Variants in SDK1 observed in about 807,000 individuals in gnomAD.
SDK1 encodes sidekick cell adhesion molecule 1.
SDK1 carries 157 observed loss-of-function variants against 245.5 expected under a neutral mutation model. The observed-to-expected ratio is 0.64, with a 90% CI of 0.56 to 0.73. The LOEUF (loss-of-function observed/expected upper bound fraction) is 0.73. Among genes scored for constraint, SDK1 ranks in the 30% least tolerant of loss-of-function variants. The probability of loss-of-function intolerance (pLI) is 0.00; values close to 1 mark genes in which losing one functional copy is unlikely to be tolerated. For synonymous variants in SDK1, 1,647 were observed against 1,278.5 expected, an observed-to-expected ratio of 1.29 and a Z score of -6.15; for missense variants, 3,583 against 3,002.3, an observed-to-expected ratio of 1.19 and a Z score of -4.52.
chr7:3,566,554 G>A (rs1229502191), intron 1 of SDK1, among the ~76,000 whole-genome samples: 1 of 152,044 alleles, frequency 6.6e-6, no homozygotes, highest in East Asian at 1.9e-4. Flanking sequence ...TAAAGCAGTA[G>A]AGGAAAATTG....
chr7:3,687,104 C>G (rs897194176), intron 4 of SDK1, among the ~76,000 whole-genome samples: 27 of 149,922 alleles, frequency 1.8e-4, no homozygotes, highest in African/African-American at 5.9e-4. Flanking sequence ...CACACACCAC[C>G]CTGTATCACA....
At chr7:4,154,941 G>A (rs954002898) in intron 30 of SDK1, among the ~76,000 whole-genome samples, 2 of 152,048 alleles carry the variant, frequency 1.3e-5, no homozygotes, top group Admixed American at 1.3e-4. Flanking sequence ...CCACAGGAGG[G>A]AGCATGGCAG....
chr7:4,230,729 T>G (rs1385351809), intron 40 of SDK1, among the ~76,000 whole-genome samples: 1 of 152,064 alleles, frequency 6.6e-6, no homozygotes, highest in East Asian at 1.9e-4. Flanking sequence ...TGGATGATGC[T>G]AAGCCTGATG....
At chr7:3,630,915 G>T (rs547272244) in intron 2 of SDK1, among the ~76,000 whole-genome samples, 1 of 151,904 alleles carries the variant, frequency 6.6e-6, no homozygotes, top group Non-Finnish European at 1.5e-5. Context: ...TCACTAAGCT[G>T]TGGGGAAGAT....
In SDK1 at chr7:3,871,492, G is replaced by T. The variant is rs1307475224; in HGVS notation, c.847+49909G>T. On this transcript the variant is annotated intron_variant, in intron 5 of 44. Coordinates refer to ENST00000404826, the MANE Select transcript of SDK1 (RefSeq NM_152744.4). ...ACTGTAAAGGAATACGTGAGGCTGG[G>T]TGATTTATAAAGAAAAGAGGTTTAT... 2.0e-5 allele frequency among the ~76,000 whole-genome samples: 3 copies of T among 152,232 alleles called. No homozygotes were observed. The East Asian group carries it at 5.8e-4, about 29-fold the overall frequency.
intron 4 of SDK1, among the ~76,000 whole-genome samples, chr7:3,717,696 T>A (rs1031023515): frequency 1.3e-5 from 2 of 152,164 alleles, no homozygotes; most frequent in Non-Finnish European, 2.9e-5. Flanking sequence ...GCTCAAAAAC[T>A]ACAAAGTGCC....
rs116787442 is a variant in SDK1 at position 3,689,699 on chromosome 7, G to T, written c.713+47594G>T. Among the ~76,000 whole-genome samples, 637 of 152,258 alleles carry T rather than the reference G, an allele frequency of 4.2e-3. 4 individuals are homozygous for T. Among genetic ancestry groups the T allele is most frequent in the African/African-American group, 0.015 (616 of 41,532 alleles). ...CTCTGTTTCTTACTTTAGTAATGAGGATTAGGTTAGATGAAAAATATAAGG... is the reference window on the plus strand; with the variant it reads ...CTCTGTTTCTTACTTTAGTAATGAGTATTAGGTTAGATGAAAAATATAAGG... On this transcript the variant is annotated intron_variant, in intron 4 of 44. Coordinates refer to ENST00000404826, the MANE Select transcript of SDK1 (RefSeq NM_152744.4).
chr7:4,266,863 A>C lies in SDK1; in HGVS notation c.*1479A>C. On this transcript the variant is annotated 3_prime_UTR_variant, in exon 45 of 45. Coordinates refer to ENST00000404826, the MANE Select transcript of SDK1 (RefSeq NM_152744.4). ...ACACAAGACTCAAGACCACCCTGTC[A>C]GTGCCCCCCAGTGCACGGCAAACGG... The C allele has an allele frequency of 2.0e-6, 2 of 985,542 alleles. No individual in the cohort carries two copies. The highest frequency in any genetic ancestry group is 2.4e-6 in the Non-Finnish European group (2 of 830,002). The allele number at this position is 985,542 out of a possible 1,614,324, so 61.0% of individuals were successfully genotyped here.
intron 32 of SDK1, among the ~76,000 whole-genome samples, chr7:4,170,511 G>GT (rs1491176344): frequency 1.3e-5 from 2 of 152,078 alleles, no homozygotes; most frequent in East Asian, 3.9e-4. Flanking sequence ...GGATGTGCAA[G>GT]TGTGTGTGTG....
chr7:3,644,830 G>A (rs1298822717), intron 4 of SDK1, among the ~76,000 whole-genome samples: 1 of 149,544 alleles, frequency 6.7e-6, no homozygotes, highest in Non-Finnish European at 1.5e-5. Flanking sequence ...GGGGTGGCAG[G>A]CAAGATACAT....
chr7:3,743,956 T>A (rs1435306667), intron 4 of SDK1, among the ~76,000 whole-genome samples: 1 of 152,200 alleles, frequency 6.6e-6, no homozygotes, highest in Non-Finnish European at 1.5e-5. Context: ...GTGGCGTTAT[T>A]ATCCTGTGTA....
At chr7:3,848,069 G>A (rs1482881687) in intron 5 of SDK1, among the ~76,000 whole-genome samples, 1 of 152,232 alleles carries the variant, frequency 6.6e-6, no homozygotes, top group Admixed American at 6.5e-5. Context: ...TATTTGAAAT[G>A]TGCTTATTTC....
At chr7:4,131,614 C>G (rs981502574) in intron 27 of SDK1, among the ~76,000 whole-genome samples, 1 of 152,186 alleles carries the variant, frequency 6.6e-6, no homozygotes, top group Non-Finnish European at 1.5e-5. Flanking sequence ...CAACAAGAAG[C>G]TCTCATACTG....
At chr7:4,192,271 T>TTCTG (rs1252384802) in intron 35 of SDK1, among the ~76,000 whole-genome samples, 189 of 152,236 alleles carry the variant, frequency 1.2e-3, no homozygotes, top group African/African-American at 4.4e-3. Flanking sequence ...GCAGCAGATT[T>TTCTG]TTTGTTTGTT....
chr7:3,732,845 G>C (rs1446627197), intron 4 of SDK1, among the ~76,000 whole-genome samples: 1 of 152,192 alleles, frequency 6.6e-6, no homozygotes, highest in Non-Finnish European at 1.5e-5. Flanking sequence ...GTGGTGACTA[G>C]ATTATCTTTC....
chr7:3,504,712 A>G lies in SDK1; in HGVS notation c.299-114368A>G, dbSNP rs186529941. Among the ~76,000 whole-genome samples, 372 of 152,246 alleles carry G rather than the reference A, an allele frequency of 2.4e-3. 3 individuals are homozygous for G. The highest frequency in any genetic ancestry group is 0.018 in the South Asian group (87 of 4,824). On this transcript the variant is annotated intron_variant, in intron 1 of 44. Coordinates refer to ENST00000404826, the MANE Select transcript of SDK1 (RefSeq NM_152744.4). ...AACTCTCAGAGGAAAACATTGGAGT[A>G]AATCTTCATTACCTTGGGTTAGGCA... is the stretch of plus-strand genomic sequence containing the variant.
intron 13 of SDK1, among the ~76,000 whole-genome samples, chr7:3,980,366 C>G (rs1014357660): frequency 2.0e-5 from 3 of 152,166 alleles, no homozygotes; most frequent in Admixed American, 2.0e-4. Context: ...TCCCCCTATT[C>G]TCTTTCAATT....
intron 1 of SDK1, among the ~76,000 whole-genome samples, chr7:3,566,567 C>G (rs1048530539): frequency 1.3e-5 from 2 of 151,954 alleles, no homozygotes; most frequent in African/African-American, 2.4e-5. Flanking sequence ...GAAAATTGAT[C>G]CACTTGATTT....
chr7:3,597,790 G>A (rs556429727), intron 1 of SDK1, among the ~76,000 whole-genome samples: 1 of 152,150 alleles, frequency 6.6e-6, no homozygotes, highest in Non-Finnish European at 1.5e-5. Flanking sequence ...CCATCAAAAT[G>A]TCTGTGAGAT....
Sources: gnomAD v4.1 joint callset for allele counts (sites outside exome capture counted in the v4.1 genomes callset) on GRCh38, gnomAD v4.1.1 for gene constraint, MANE v1.5 for transcripts, NCBI Gene and HGNC (gene_info 2026-07-23, HGNC 2026-07-21) for gene names.